The following NID1 variants were observed in gnomAD, a reference collection of about 807,000 sequenced individuals.
NID1 encodes nidogen-1.
Under a neutral mutation model 130.6 loss-of-function variants are expected in NID1, and 76 were observed. The observed-to-expected ratio is 0.58, with a 90% CI of 0.48 to 0.70. The LOEUF is 0.70. Among genes scored for constraint, NID1 ranks in the 30% least tolerant of loss-of-function variants. NID1 has a pLI of 0.00. For missense variants in NID1, 1,517 were observed against 1,664.8 expected, an observed-to-expected ratio of 0.91 and a Z score of 1.54; for synonymous variants, 665 against 675.1, an observed-to-expected ratio of 0.98 and a Z score of 0.23.
rs182432884 is a variant in NID1, at chr1:236,040,004, T to C, written c.1136-1751A>G. Among the ~76,000 whole-genome samples the C allele has an allele frequency of 3.9e-3, 593 of 152,306 alleles. 3 individuals are homozygous for C. The highest frequency in any genetic ancestry group is 6.8e-3 in the Middle Eastern group (2 of 294). On this transcript the variant is annotated intron_variant, in intron 4 of 19. Transcript: ENST00000264187. The stretch of plus-strand genomic sequence containing the variant: ...GGTAGAGGGACAGGAAAACATCTGT[T>C]TTAGACACAATCTGCGTTCAAATCT...
chr1:236,040,469 T>C (rs1235360313), intron 4 of NID1, among the ~76,000 whole-genome samples: 1 of 152,034 alleles, frequency 6.6e-6, no homozygotes, highest in East Asian at 1.9e-4. Flanking sequence ...TAAGGGCAAA[T>C]AAAAATGAGT....
chr1:236,010,992 C>G (rs1658392736), intron 12 of NID1, among the ~76,000 whole-genome samples: 1 of 151,956 alleles, frequency 6.6e-6, no homozygotes, highest in Admixed American at 6.6e-5. Context: ...GCTGTGAGCC[C>G]CACCATATAC....
intron 12 of NID1, among the ~76,000 whole-genome samples, chr1:236,003,400 A>G (rs967975609): frequency 2.6e-5 from 4 of 152,202 alleles, no homozygotes; most frequent in African/African-American, 9.7e-5. Flanking sequence ...CCTTGGACAA[A>G]TTATCTAGTC....
chr1:235,998,960 C>G (rs551015001), intron 12 of NID1, among the ~76,000 whole-genome samples: 1 of 152,214 alleles, frequency 6.6e-6, no homozygotes. Flanking sequence ...TCAGTTCTAA[C>G]GAGAACCTAG....
chr1:236,051,451 G>T (rs1192067092), intron 1 of NID1, among the ~76,000 whole-genome samples: 1 of 152,202 alleles, frequency 6.6e-6, no homozygotes, highest in Non-Finnish European at 1.5e-5. Flanking sequence ...CCCAGGTGAG[G>T]ATTGGAACCA....
chr1:236,041,887 A>G (rs1360410258), intron 4 of NID1, 23 bp downstream of exon 4: 2 of 1,584,104 alleles, frequency 1.3e-6, no homozygotes, highest in African/African-American at 2.7e-5. Context: ...GATCGTTACC[A>G]ACTGCAACTT....
rs1249839719 is a variant in NID1, at chr1:236,048,827, T to C, written c.388A>G (p.Ile130Val). 7 of 1,614,084 alleles carry C rather than the reference T, an allele frequency of 4.3e-6. No homozygotes were observed. Among genetic ancestry groups the C allele is most frequent in the Admixed American group, 3.3e-5 (2 of 60,010 alleles). ...ACACACTCTGCTGCTCGCTGAGTGA[T>C]GGAGGGGGATAAGTCTTCTCGATAA... ...VYYREDLSPSITQRAAECVHR... is the reference protein window; with the variant it reads ...VYYREDLSPSVTQRAAECVHR... The change falls in exon 2 of 20, where the codon ATC becomes GTC. Residue 130 changes from isoleucine to valine, a missense_variant. By Grantham distance (29) the Ile-to-Val change is conservative. This residue lies in a region of NID1 where 1,329 missense variants were observed against 1,429.2 expected (regional missense o/e 0.93). Coordinates refer to ENST00000264187, the MANE Select transcript of NID1 (RefSeq NM_002508.3).
intron 5 of NID1, among the ~76,000 whole-genome samples, chr1:236,034,843 A>G (rs904175663): frequency 6.6e-6 from 1 of 152,048 alleles, no homozygotes; most frequent in African/African-American, 2.4e-5. Context: ...GTTACATTGC[A>G]TTGTTTATAT....
At chr1:236,029,485 G>A (rs567276091) in intron 7 of NID1, 65 bp downstream of exon 7, 2 of 1,480,626 alleles carry the variant, frequency 1.4e-6, no homozygotes, top group South Asian at 2.4e-5. Context: ...GGCTGCCGTG[G>A]TGGGTCAAGA....
chr1:235,990,111 T>C (rs1657686790), intron 14 of NID1, among the ~76,000 whole-genome samples: 1 of 152,234 alleles, frequency 6.6e-6, no homozygotes, highest in African/African-American at 2.4e-5. Flanking sequence ...TTTTTGCTGA[T>C]GTTTCCTCCC....
At chr1:236,026,365 C>T (rs564462613) in intron 7 of NID1, among the ~76,000 whole-genome samples, 5 of 152,292 alleles carry the variant, frequency 3.3e-5, no homozygotes, top group Admixed American at 1.3e-4. Flanking sequence ...TGGTATTATT[C>T]GTATTATGTG....
intron 1 of NID1, among the ~76,000 whole-genome samples, chr1:236,059,016 T>C (rs1394501339): frequency 6.6e-6 from 1 of 152,236 alleles, no homozygotes; most frequent in Non-Finnish European, 1.5e-5. Context: ...TTTTAAAATT[T>C]CATGTGACAG....
At chr1:235,983,984 TAA>T (rs76847820) in intron 15 of NID1, among the ~76,000 whole-genome samples, 18 of 140,472 alleles carry the variant, frequency 1.3e-4, no homozygotes, top group African/African-American at 1.0e-4. Context: ...CTTTCTCTCT[TAA>T]AAAAAAAAAA....
rs191113464 is a variant in NID1, at chr1:236,017,051, C to A, written c.2254+97G>T. 4.5e-6 allele frequency: 7 copies of A among 1,544,198 alleles called. No individual in the cohort carries two copies. The African/African-American group carries it at 9.5e-5, about 21-fold the overall frequency. Reference sequence around the variant, plus strand: ...AATTGCTCTTCCCAGCACCTTCCAACTTGACCAGACTCATTTTACCTGGGA... The same window carrying A: ...AATTGCTCTTCCCAGCACCTTCCAAATTGACCAGACTCATTTTACCTGGGA... On this transcript the variant is annotated intron_variant, in intron 10 of 19. Coordinates refer to ENST00000264187, the MANE Select transcript of NID1 (RefSeq NM_002508.3).
chr1:236,048,595 G>T (rs376054190), intron 2 of NID1, 95 bp downstream of exon 2: 1 of 1,357,472 alleles, frequency 7.4e-7, no homozygotes, highest in Non-Finnish European at 9.9e-7. Flanking sequence ...TATCAATGGT[G>T]TATAACTTAT....
chr1:236,029,170 CCT>C (rs1438452127), intron 7 of NID1, among the ~76,000 whole-genome samples: 1 of 127,150 alleles, frequency 7.9e-6, no homozygotes, highest in African/African-American at 3.6e-5. Context: ...GGAGTGAAAC[CCT>C]GTCTCAAAAA....
In NID1 at chr1:236,048,673, C is replaced by T. The variant is rs747513329; in HGVS notation, c.525+17G>A. On this transcript the variant is annotated intron_variant, in intron 2 of 19. Transcript: ENST00000264187. ...ATGTGTCTGATTACCTGCACTTGGA[C>T]CTGGAGGGGAGCTTACCTTGCCTTT... 8 of 1,603,760 alleles carry T rather than the reference C, an allele frequency of 5.0e-6. No individual in the cohort carries two copies. The South Asian group carries it at 8.9e-5, about 18-fold the overall frequency.
At chr1:236,043,142 T>G (rs1659503680) in intron 3 of NID1, among the ~76,000 whole-genome samples, 1 of 152,190 alleles carries the variant, frequency 6.6e-6, no homozygotes, top group South Asian at 2.1e-4. Flanking sequence ...TTCCATTTGG[T>G]TGTTCCAGAG....
At chr1:236,059,590 A>G (rs1351115868) in intron 1 of NID1, among the ~76,000 whole-genome samples, 1 of 152,196 alleles carries the variant, frequency 6.6e-6, no homozygotes, top group East Asian at 1.9e-4. Context: ...TCCAAGTCCA[A>G]ATTGCAAGTG....
Sources: allele counts gnomAD v4.1 joint callset (sites outside exome capture counted in the v4.1 genomes callset), GRCh38; gene constraint gnomAD v4.1.1; regional missense constraint gnomAD v4.1.1; transcripts MANE v1.5; gene names NCBI Gene and HGNC (gene_info 2026-07-23, HGNC 2026-07-21).